The following RGS7 variants were observed in gnomAD, a reference collection of about 807,000 sequenced individuals.
The protein encoded by RGS7 is regulator of G protein signaling 7.
Under a neutral mutation model 81.1 loss-of-function variants are expected in RGS7, and 27 were observed. That is an observed-to-expected ratio of 0.33 (90% CI 0.25 to 0.46). RGS7 has a LOEUF of 0.46. Ranked by LOEUF, RGS7 falls within the 20% of genes least tolerant of loss-of-function variation. The pLI is 1.00. For missense variants in RGS7, 396 were observed against 607.4 expected (o/e 0.65, Z 3.66); for synonymous variants, 208 against 207.7 (o/e 1.00, Z -0.01).
chr1:241,187,024 G>C (rs550401114), intron 2 of RGS7, among the ~76,000 whole-genome samples: 1 of 152,178 alleles, frequency 6.6e-6, no homozygotes, highest in African/African-American at 2.4e-5. Flanking sequence ...TACTTCTCCA[G>C]AATGCCAAAC....
chr1:240,966,803 A>T (rs1572035171), intron 4 of RGS7, among the ~76,000 whole-genome samples: 1 of 152,194 alleles, frequency 6.6e-6, no homozygotes, highest in Non-Finnish European at 1.5e-5. Context: ...CTTTAAGGTA[A>T]ACCTCCAGTT....
chr1:240,857,278 C>G (rs895256748), intron 9 of RGS7, among the ~76,000 whole-genome samples: 4 of 151,940 alleles, frequency 2.6e-5, no homozygotes, highest in Non-Finnish European at 5.9e-5. Flanking sequence ...GTACAGAGAA[C>G]AGAGAATTCC....
At chr1:240,793,611 A>ATTTTTTTTTTTTT (rs1205854418) in intron 18 of RGS7, among the ~76,000 whole-genome samples, 2 of 78,872 alleles carry the variant, frequency 2.5e-5, no homozygotes, top group African/African-American at 1.9e-4. Context: ...ATATATATAT[A>ATTTTTTTTTTTTT]TTTTTTTTTT....
At chr1:241,007,057 T>C (rs1006415638) in intron 3 of RGS7, among the ~76,000 whole-genome samples, 1 of 152,020 alleles carries the variant, frequency 6.6e-6, no homozygotes, top group African/African-American at 2.4e-5. Flanking sequence ...GTTGGGATTA[T>C]AGACACATGC....
chr1:241,023,735 T>TATTGATTG (rs139919207), intron 3 of RGS7, among the ~76,000 whole-genome samples: 1 of 152,128 alleles, frequency 6.6e-6, no homozygotes, highest in African/African-American at 2.4e-5. Context: ...ATGCTTTTCA[T>TATTGATTG]ATTGATTGAT....
intron 16 of RGS7, 34 bp downstream of exon 16, chr1:240,802,870 G>C (rs749673142): frequency 7.5e-7 from 1 of 1,328,982 alleles, no homozygotes; most frequent in South Asian, 1.2e-5. Flanking sequence ...CTGAGAACTA[G>C]GCCAAGAAAA....
chr1:241,259,667 A>AAAAAAAAATATATATATATATATAT, intron 2 of RGS7, among the ~76,000 whole-genome samples: 4 of 49,144 alleles, frequency 8.1e-5, no homozygotes, highest in Non-Finnish European at 1.1e-4. Context: ...AAAAAAAAAA[A>AAAAAAAAATATATATATATATATAT]ATATATATAT....
At chr1:240,916,502 A>T (rs1672649691) in intron 6 of RGS7, among the ~76,000 whole-genome samples, 1 of 152,148 alleles carries the variant, frequency 6.6e-6, no homozygotes, top group Admixed American at 6.5e-5. Flanking sequence ...CCCCAGCCTC[A>T]ACTTATGTCA....
At chr1:240,900,380 G>T (rs1012769916) in intron 6 of RGS7, among the ~76,000 whole-genome samples, 2 of 152,162 alleles carry the variant, frequency 1.3e-5, no homozygotes, top group Non-Finnish European at 2.9e-5. Flanking sequence ...CTGATTTTTA[G>T]AATTTTCAGC....
At chr1:240,815,881 T>C (rs1690719913) in intron 11 of RGS7, among the ~76,000 whole-genome samples, 1 of 152,166 alleles carries the variant, frequency 6.6e-6, no homozygotes. Context: ...TAGAGAGAAA[T>C]CAGCACTGCA....
chr1:241,150,920 G>A (rs746529756), intron 2 of RGS7, among the ~76,000 whole-genome samples: 19 of 152,180 alleles, frequency 1.2e-4, no homozygotes, highest in Non-Finnish European at 2.5e-4. Context: ...ACTGTTGCAA[G>A]CCCTGGAGTC....
At chr1:241,091,247 G>A (rs2063850083) in intron 3 of RGS7, among the ~76,000 whole-genome samples, 1 of 152,118 alleles carries the variant, frequency 6.6e-6, no homozygotes, top group South Asian at 2.1e-4. Flanking sequence ...AAAAACAGAT[G>A]TCATCAAAAT....
intron 3 of RGS7, chr1:240,998,511 C>G: frequency 9.7e-7 from 1 of 1,035,702 alleles, no homozygotes; most frequent in Non-Finnish European, 1.5e-6. Context: ...TTTGCTTCCA[C>G]TTTCTTCTCC....
chr1:241,251,364 G>A (rs1035089486), intron 2 of RGS7, among the ~76,000 whole-genome samples: 1 of 152,130 alleles, frequency 6.6e-6, no homozygotes, highest in African/African-American at 2.4e-5. Flanking sequence ...TTACTATTAT[G>A]TACTCACTGT....
At chr1:241,249,163 T>C (rs770212135) in intron 2 of RGS7, among the ~76,000 whole-genome samples, 2 of 152,186 alleles carry the variant, frequency 1.3e-5, no homozygotes, top group Non-Finnish European at 2.9e-5. Flanking sequence ...TAGATTGTGC[T>C]TTTCATGTTG....
chr1:240,966,145 T>C (rs1488096043), intron 4 of RGS7, among the ~76,000 whole-genome samples: 2 of 152,028 alleles, frequency 1.3e-5, no homozygotes, highest in African/African-American at 4.8e-5. Flanking sequence ...AACACTAACC[T>C]ACTCATTCTC....
intron 2 of RGS7, among the ~76,000 whole-genome samples, chr1:241,253,425 A>G (rs1388501535): frequency 6.6e-6 from 1 of 152,172 alleles, no homozygotes; most frequent in Non-Finnish European, 1.5e-5. Context: ...AGGTGGCCAT[A>G]GATCTCTGTG....
intron 2 of RGS7, among the ~76,000 whole-genome samples, chr1:241,341,201 A>C (rs1244925824): frequency 2.6e-5 from 4 of 152,192 alleles, no homozygotes; most frequent in Non-Finnish European, 4.4e-5. Flanking sequence ...CGTGAAGCAG[A>C]AATTATTATC....
chr1:241,128,455 T>C (rs1572812184), intron 2 of RGS7, among the ~76,000 whole-genome samples: 1 of 149,994 alleles, frequency 6.7e-6, no homozygotes, highest in East Asian at 2.0e-4. Context: ...ATGGTGGCGG[T>C]GCAAGCATGT....
Sources: allele counts gnomAD v4.1 joint callset (sites outside exome capture counted in the v4.1 genomes callset), GRCh38; gene constraint gnomAD v4.1.1; transcripts MANE v1.5; gene names NCBI Gene and HGNC (gene_info 2026-07-23, HGNC 2026-07-21).